Variants in VWC2L observed in about 807,000 individuals in gnomAD.
VWC2L encodes the protein von Willebrand factor C domain containing 2 like.
A neutral mutation model predicts 21.6 loss-of-function variants in VWC2L; 10 were observed. The observed-to-expected ratio is 0.46, with a 90% CI of 0.29 to 0.78. VWC2L has a LOEUF of 0.78. Ranked by LOEUF, VWC2L falls within the 30% of genes least tolerant of loss-of-function variation. The probability of loss-of-function intolerance (pLI) is 0.10; values close to 1 mark genes in which losing one functional copy is unlikely to be tolerated. For synonymous variants in VWC2L, 96 were observed against 94.3 expected (o/e 1.02, Z -0.10); for missense variants, 209 against 277.1 (o/e 0.75, Z 1.74).
At position 214,577,718 on chromosome 2, in the gene VWC2L, G is replaced by T. The variant is rs1690255254; in HGVS notation, c.*1898G>T. 1 of 152,124 alleles carries T rather than the reference G, an allele frequency of 6.6e-6. No homozygotes were observed. Among genetic ancestry groups the T allele is most frequent in the African/African-American group, 2.4e-5 (1 of 41,416 alleles). 9.4% of individuals were successfully genotyped at this position (152,124 alleles called of 1,614,324 possible). Reference sequence around the variant, plus strand: ...ATATTTTTTTGAGTCTTGTCAACTGGTTTTTCATTTAAAATTGTCAGCCTC... The same window carrying T: ...ATATTTTTTTGAGTCTTGTCAACTGTTTTTTCATTTAAAATTGTCAGCCTC... On this transcript the variant is annotated 3_prime_UTR_variant, in exon 4 of 4. Transcript: ENST00000312504.
chr2:214,545,223 T>A lies in VWC2L; in HGVS notation c.521-30449T>A, dbSNP rs911065033. ...TTTGCAAATAGAGAAATATTTAAAA[T>A]AGAAAAAAATCTACAAGGTACTTTA... On this transcript the variant is annotated intron_variant, in intron 3 of 3. Transcript: ENST00000312504. Among the ~76,000 whole-genome samples, 8 of 152,140 alleles carry A rather than the reference T, an allele frequency of 5.3e-5. No homozygotes were observed. The East Asian group carries it at 1.5e-3, about 29-fold the overall frequency.
At chr2:214,507,963 T>C (rs1425016659) in intron 3 of VWC2L, among the ~76,000 whole-genome samples, 1 of 152,162 alleles carries the variant, frequency 6.6e-6, no homozygotes, top group Non-Finnish European at 1.5e-5. Flanking sequence ...TATCCTTTCT[T>C]TTGTGCACTT....
chr2:214,523,006 C>T (rs1689268782), intron 3 of VWC2L, among the ~76,000 whole-genome samples: 2 of 152,104 alleles, frequency 1.3e-5, no homozygotes, highest in Admixed American at 6.6e-5. Context: ...ACATTTATAC[C>T]AAAGTGGAAA....
chr2:214,511,811 T>C (rs1266608675), intron 3 of VWC2L, among the ~76,000 whole-genome samples: 1 of 149,808 alleles, frequency 6.7e-6, no homozygotes, highest in African/African-American at 2.4e-5. Flanking sequence ...GATGAAATAA[T>C]AGTTACACAA....
At chr2:214,416,398 T>C (rs1053100989) in intron 2 of VWC2L, among the ~76,000 whole-genome samples, 5 of 152,100 alleles carry the variant, frequency 3.3e-5, no homozygotes, top group African/African-American at 1.2e-4. Context: ...TCCTAATGTA[T>C]GATCCATTAA....
intron 3 of VWC2L, among the ~76,000 whole-genome samples, chr2:214,444,838 G>A (rs1050357071): frequency 2.0e-5 from 3 of 151,816 alleles, no homozygotes; most frequent in African/African-American, 7.2e-5. Flanking sequence ...CTACCTTACC[G>A]ATTATATAAA....
intron 3 of VWC2L, among the ~76,000 whole-genome samples, chr2:214,457,946 G>T (rs1703080789): frequency 6.6e-6 from 1 of 151,990 alleles, no homozygotes; most frequent in African/African-American, 2.4e-5. Flanking sequence ...TTGTTTCCTT[G>T]TCTGGTTTTG....
intron 3 of VWC2L, among the ~76,000 whole-genome samples, chr2:214,494,222 T>A (rs990426089): frequency 7.9e-5 from 12 of 152,310 alleles, no homozygotes; most frequent in African/African-American, 2.9e-4. Context: ...AGGTTTTCTT[T>A]CTTGCTACAA....
chr2:214,490,330 T>TA lies in VWC2L; in HGVS notation c.520+53572_520+53573insA, dbSNP rs1274465476. ...CATTTTTTAAAACACTAAATCTTTT[T>TA]TTTTTTTGGTCCCAATTACAAATTT... On this transcript the variant is annotated intron_variant, in intron 3 of 3. Coordinates refer to ENST00000312504, the MANE Select transcript of VWC2L (RefSeq NM_001080500.4). Among the ~76,000 whole-genome samples, 8 of 152,248 alleles carry TA rather than the reference T, an allele frequency of 5.3e-5. No individual in the cohort carries two copies. In the East Asian group the frequency reaches 1.5e-3, roughly 29 times the overall value.
intron 1 of VWC2L, 75 bp from the exon 2 acceptor site, chr2:214,414,039 T>G (rs1702316199): frequency 3.6e-6 from 3 of 825,998 alleles, no homozygotes; most frequent in South Asian, 2.1e-5. Flanking sequence ...CCAAACAGTT[T>G]AAGAGCGTGG....
chr2:214,537,448 C>G (rs1689553024), intron 3 of VWC2L, among the ~76,000 whole-genome samples: 1 of 151,830 alleles, frequency 6.6e-6, no homozygotes, highest in East Asian at 1.9e-4. Context: ...GGCATGTTCT[C>G]TTTTATATGC....
chr2:214,469,536 A>G (rs190329310), intron 3 of VWC2L, among the ~76,000 whole-genome samples: 1,877 of 152,252 alleles, frequency 0.012, 24 homozygotes, highest in South Asian at 0.022. Context: ...CAGAGCTTGC[A>G]GTGAGCAGAC....
At chr2:214,459,863 G>A (rs1208920893) in intron 3 of VWC2L, among the ~76,000 whole-genome samples, 11 of 145,142 alleles carry the variant, frequency 7.6e-5, no homozygotes, top group Admixed American at 7.5e-4. Flanking sequence ...GTAAATAGAT[G>A]CTTTCCTCTT....
intron 3 of VWC2L, among the ~76,000 whole-genome samples, chr2:214,522,918 A>G (rs1689267343): frequency 6.6e-6 from 1 of 152,216 alleles, no homozygotes; most frequent in Non-Finnish European, 1.5e-5. Flanking sequence ...ATGAGAGGAA[A>G]ATGTCCCAAA....
At chr2:214,557,104 C>T (rs1689885078) in intron 3 of VWC2L, among the ~76,000 whole-genome samples, 1 of 152,122 alleles carries the variant, frequency 6.6e-6, no homozygotes, top group African/African-American at 2.4e-5. Flanking sequence ...GACTATTTGC[C>T]TCAGATGCTG....
intron 3 of VWC2L, among the ~76,000 whole-genome samples, chr2:214,457,095 C>A (rs1249208596): frequency 6.6e-6 from 1 of 151,950 alleles, no homozygotes; most frequent in South Asian, 2.1e-4. Context: ...TAAAAAATTT[C>A]TGTGAAAAAT....
At chr2:214,460,035 G>A (rs1418123676) in intron 3 of VWC2L, among the ~76,000 whole-genome samples, 1 of 151,106 alleles carries the variant, frequency 6.6e-6, no homozygotes, top group Non-Finnish European at 1.5e-5. Context: ...AGCCTCGCGA[G>A]TAGTTGGGAT....
At chr2:214,541,159 G>A (rs1052467680) in intron 3 of VWC2L, among the ~76,000 whole-genome samples, 1 of 152,116 alleles carries the variant, frequency 6.6e-6, no homozygotes, top group Non-Finnish European at 1.5e-5. Context: ...ATCTGGGCTG[G>A]GATGAAGAGC....
chr2:214,519,206 C>T (rs564261913), intron 3 of VWC2L, among the ~76,000 whole-genome samples: 2 of 152,260 alleles, frequency 1.3e-5, no homozygotes, highest in East Asian at 3.9e-4. Flanking sequence ...TTTTCAGAAC[C>T]TGTTCTTCCA....
Sources: gnomAD v4.1 joint callset for allele counts (sites outside exome capture counted in the v4.1 genomes callset) on GRCh38, gnomAD v4.1.1 for gene constraint, MANE v1.5 for transcripts, NCBI Gene and HGNC (gene_info 2026-07-23, HGNC 2026-07-21) for gene names.